CNTNAP3B: variants seen among roughly 807,000 people sequenced by gnomAD.
CNTNAP3B encodes the protein contactin-associated protein-like 3B.
Under a neutral mutation model 108.9 loss-of-function variants are expected in CNTNAP3B, and 25 were observed. That is an observed-to-expected ratio of 0.23 (90% CI 0.17 to 0.32). The LOEUF is 0.32. Among genes scored for constraint, CNTNAP3B ranks in the 10% least tolerant of loss-of-function variants. The pLI is 1.00. For synonymous variants in CNTNAP3B, 103 were observed against 473.4 expected, an observed-to-expected ratio of 0.22 and a Z score of 10.16; for missense variants, 252 against 1,210.4, an observed-to-expected ratio of 0.21 and a Z score of 11.75.
Position 41,947,607 on chromosome 9 carries a change from A to G in CNTNAP3B, c.2080+5576T>C, listed in dbSNP as rs1173575619. 2.7e-4 allele frequency among the ~76,000 whole-genome samples: 41 copies of G among 152,228 alleles called. 1 individual carries two copies. In the East Asian group the frequency reaches 7.5e-3, roughly 28 times the overall value. ...GAAAGAAGAAAGCCCTAAAGCCAAT[A>G]ATGTAAGTTCTTACCTCTAGAAACT... On this transcript the variant is annotated intron_variant, in intron 13 of 23. Coordinates refer to ENST00000377561, the MANE Select transcript of CNTNAP3B (RefSeq NM_001201380.3).
chr9:42,117,771 G>A lies in CNTNAP3B; in HGVS notation c.85+11239C>T, dbSNP rs1296331855. Among the ~76,000 whole-genome samples the A allele has an allele frequency of 2.2e-5, 3 of 137,458 alleles. 1 individual carries two copies. The highest frequency in any genetic ancestry group is 4.6e-5 in the Non-Finnish European group (3 of 64,536). The allele number at this position is 137,458 out of a possible 152,430, so 90.2% of individuals were successfully genotyped here. A position where few individuals can be genotyped will look rare whatever the true frequency, so the allele number is the denominator to read the frequency against. ...TTTGGAAAGATCAACAAAATTGATA[G>A]ACCACTAGCAAGACTAATAAAGAAG... On this transcript the variant is annotated intron_variant, in intron 1 of 23. Coordinates refer to ENST00000377561, the MANE Select transcript of CNTNAP3B (RefSeq NM_001201380.3).
chr9:41,944,552 C>T (rs1209632299), intron 13 of CNTNAP3B, among the ~76,000 whole-genome samples: 8 of 152,200 alleles, frequency 5.3e-5, no homozygotes, highest in African/African-American at 1.7e-4. Flanking sequence ...AATTAATATT[C>T]TAGGAGAAGT....
intron 3 of CNTNAP3B, among the ~76,000 whole-genome samples, chr9:42,067,911 G>T (rs1313037096): frequency 7.8e-6 from 1 of 128,870 alleles, no homozygotes; most frequent in Non-Finnish European, 1.6e-5. Context: ...TCAGAAACTA[G>T]AATATTCACT....
At chr9:41,950,945 C>T (rs539830634) in intron 13 of CNTNAP3B, among the ~76,000 whole-genome samples, 11 of 144,952 alleles carry the variant, frequency 7.6e-5, no homozygotes, top group East Asian at 4.2e-4. Flanking sequence ...TTAGTAGAGA[C>T]GGGGTTTCAT....
intron 13 of CNTNAP3B, among the ~76,000 whole-genome samples, chr9:41,942,120 A>G (rs1319320164): frequency 8.3e-4 from 127 of 152,360 alleles, no homozygotes; most frequent in African/African-American, 3.0e-3. Context: ...GCTGAGAAGC[A>G]CTCTGAAGGT....
intron 8 of CNTNAP3B, among the ~76,000 whole-genome samples, chr9:41,990,911 G>A (rs1342366470): frequency 1.7e-4 from 24 of 139,706 alleles, no homozygotes; most frequent in Middle Eastern, 3.5e-3. Flanking sequence ...GATGGGGAGT[G>A]GGGATGTGAG....
chr9:41,932,823 G>C (rs1295575549), intron 14 of CNTNAP3B, among the ~76,000 whole-genome samples: 1 of 152,168 alleles, frequency 6.6e-6, no homozygotes, highest in Non-Finnish European at 1.5e-5. Flanking sequence ...CAGCCCAACT[G>C]TTAATGATTA....
intron 9 of CNTNAP3B, among the ~76,000 whole-genome samples, chr9:41,976,745 C>T (rs1330315852): frequency 9.6e-5 from 10 of 104,612 alleles, no homozygotes; most frequent in Admixed American, 5.9e-4. Flanking sequence ...CTACAAAATA[C>T]GAAGAAAAAC....
In CNTNAP3B at chr9:42,088,651, A is replaced by C. The variant is rs1417212178; in HGVS notation, c.197-11589T>G. Among the ~76,000 whole-genome samples the C allele has an allele frequency of 1.9e-4, 26 of 138,510 alleles. 7 individuals carry two copies. The highest frequency in any genetic ancestry group is 3.7e-4 in the Non-Finnish European group (24 of 64,840). 90.9% of individuals were successfully genotyped at this position (138,510 alleles called of 152,430 possible). A position where few individuals can be genotyped will look rare whatever the true frequency, so the allele number is the denominator to read the frequency against. ...ATCATTCAACATTTGTAACATATTC[A>C]CATTGTCATATGCTACAAATCTGAG... is the stretch of plus-strand genomic sequence containing the variant. On this transcript the variant is annotated intron_variant, in intron 2 of 23. Coordinates refer to ENST00000377561, the MANE Select transcript of CNTNAP3B (RefSeq NM_001201380.3).
chr9:42,088,999 C>A (rs1349764564), intron 2 of CNTNAP3B, among the ~76,000 whole-genome samples: 1 of 125,824 alleles, frequency 7.9e-6, no homozygotes, highest in Admixed American at 8.1e-5. Flanking sequence ...GGCGAATCCC[C>A]TGAGGCCAGG....
rs1828308055 is a variant in CNTNAP3B, at chr9:42,116,015, AAGACCT to A, written c.86-11282_86-11277del. ...GCTAACTAGAATAAACAGCGTAGAG[AAGACCT>A]TAAATGACCAGATGGAGCTGAAAAC... On this transcript the variant is annotated intron_variant, in intron 1 of 23. Coordinates refer to ENST00000377561, the MANE Select transcript of CNTNAP3B (RefSeq NM_001201380.3). Among the ~76,000 whole-genome samples, 2 of 139,228 alleles carry A rather than the reference AAGACCT, an allele frequency of 1.4e-5. 1 individual carries two copies. The highest frequency in any genetic ancestry group is 5.7e-5 in the African/African-American group (2 of 34,982). The allele number at this position is 139,228 out of a possible 152,430, so 91.3% of individuals were successfully genotyped here.
chr9:41,943,117 G>A (rs1824411643), intron 13 of CNTNAP3B, among the ~76,000 whole-genome samples: 1 of 152,294 alleles, frequency 6.6e-6, no homozygotes, highest in Non-Finnish European at 1.5e-5. Context: ...TGCAAGAAGA[G>A]ATAGGTACTA....
Position 42,096,271 on chromosome 9 carries a change from C to A in CNTNAP3B, c.196+8358G>T, listed in dbSNP as rs575573366. 3.6e-5 allele frequency among the ~76,000 whole-genome samples: 5 copies of A among 139,536 alleles called. 1 individual carries two copies. The highest frequency in any genetic ancestry group is 1.1e-4 in the African/African-American group (4 of 35,280). 91.5% of individuals were successfully genotyped at this position (139,536 alleles called of 152,430 possible). A position where few individuals can be genotyped will look rare whatever the true frequency, so the allele number is the denominator to read the frequency against. On this transcript the variant is annotated intron_variant, in intron 2 of 23. Transcript: ENST00000377561. ...TTAAGCCACCACCGGCAAGGCTCTG[C>A]TTGAGAGCAGAGCTTCAGGGCAGTC...
intron 12 of CNTNAP3B, among the ~76,000 whole-genome samples, chr9:41,956,244 G>T (rs1342610838): frequency 6.6e-6 from 1 of 151,800 alleles, no homozygotes; most frequent in African/African-American, 2.4e-5. Flanking sequence ...AAATTAGCCG[G>T]GCGTGGTGGC....
chr9:41,967,910 G>A (rs2118248922), intron 10 of CNTNAP3B, among the ~76,000 whole-genome samples: 1 of 152,366 alleles, frequency 6.6e-6, no homozygotes, highest in South Asian at 2.1e-4. Flanking sequence ...GTTTAAGTGT[G>A]GCTCACACAT....
chr9:42,105,805 T>C (rs1280276587), intron 1 of CNTNAP3B, among the ~76,000 whole-genome samples: 1 of 93,704 alleles, frequency 1.1e-5, no homozygotes, highest in Non-Finnish European at 2.2e-5. Context: ...GATCTAATAA[T>C]GTTACACATA....
chr9:42,107,111 G>T (rs1451573883), intron 1 of CNTNAP3B, among the ~76,000 whole-genome samples: 1 of 87,728 alleles, frequency 1.1e-5, no homozygotes, highest in Non-Finnish European at 2.3e-5. Flanking sequence ...GTGTCCCTGG[G>T]ATTCCTGGCT....
chr9:42,030,792 C>CGAGA (rs752901003), intron 3 of CNTNAP3B, among the ~76,000 whole-genome samples: 1 of 41,986 alleles, frequency 2.4e-5, no homozygotes, highest in African/African-American at 8.9e-5. Flanking sequence ...GAGATGTGTG[C>CGAGA]GAGAGAGAGA....
Position 42,045,764 on chromosome 9 carries a change from C to G in CNTNAP3B, c.390+31105G>C, listed in dbSNP as rs1430802947. ...TATTGGCATGTCATTTTCAGCTTGA[C>G]ATTCACACCTTGAAGATTCAGTTAA... On this transcript the variant is annotated intron_variant, in intron 3 of 23. Transcript: ENST00000377561. 4.2e-5 allele frequency among the ~76,000 whole-genome samples: 6 copies of G among 144,252 alleles called. No homozygotes were observed. In the East Asian group the frequency reaches 1.1e-3, roughly 25 times the overall value. 94.6% of individuals were successfully genotyped at this position (144,252 alleles called of 152,430 possible). A position where few individuals can be genotyped will look rare whatever the true frequency, so the allele number is the denominator to read the frequency against.
Sources: gnomAD v4.1 joint callset for allele counts (sites outside exome capture counted in the v4.1 genomes callset) on GRCh38, gnomAD v4.1.1 for gene constraint, MANE v1.5 for transcripts, NCBI Gene and HGNC (gene_info 2026-07-23, HGNC 2026-07-21) for gene names.